Variants in GPC5 observed in about 807,000 individuals in gnomAD.
GPC5 encodes the protein glypican-5.
Under a neutral mutation model 53.9 loss-of-function variants are expected in GPC5, and 47 were observed. That is an observed-to-expected ratio of 0.87 (90% CI 0.69 to 1.11). The LOEUF (loss-of-function observed/expected upper bound fraction) is 1.11. Among genes scored for constraint, GPC5 ranks in the 50% most tolerant of loss-of-function variants. The pLI is 0.00. For missense variants in GPC5, 748 were observed against 713.1 expected (o/e 1.05, Z -0.56); for synonymous variants, 286 against 263.3 (o/e 1.09, Z -0.84).
chr13:92,800,858 A>C (rs1412891354), intron 7 of GPC5, among the ~76,000 whole-genome samples: 2 of 151,804 alleles, frequency 1.3e-5, no homozygotes, highest in Middle Eastern at 3.2e-3. Flanking sequence ...CTGCAACCCT[A>C]AAATAATATC....
chr13:91,465,398 T>A (rs1882172962), intron 2 of GPC5, among the ~76,000 whole-genome samples: 1 of 152,184 alleles, frequency 6.6e-6, no homozygotes, highest in Admixed American at 6.6e-5. Context: ...CAGAATGTTA[T>A]GTAAATGGAA....
chr13:92,712,741 G>C (rs1888180958), intron 7 of GPC5, among the ~76,000 whole-genome samples: 1 of 152,156 alleles, frequency 6.6e-6, no homozygotes, highest in Admixed American at 6.6e-5. Flanking sequence ...GAGTACCTTA[G>C]AGTGTGGCTG....
At chr13:91,447,328 G>C (rs1880875427) in intron 1 of GPC5, among the ~76,000 whole-genome samples, 1 of 148,684 alleles carries the variant, frequency 6.7e-6, no homozygotes, top group Non-Finnish European at 1.5e-5. Flanking sequence ...TGAGAAGATA[G>C]CTTTTTTTTT....
chr13:91,429,814 C>G (rs769769141), intron 1 of GPC5, among the ~76,000 whole-genome samples: 3 of 152,152 alleles, frequency 2.0e-5, no homozygotes, highest in Non-Finnish European at 4.4e-5. Flanking sequence ...TTATTTTCAT[C>G]GAAGCAGTTT....
intron 6 of GPC5, among the ~76,000 whole-genome samples, chr13:92,045,133 C>T (rs151062270): frequency 2.0e-5 from 3 of 152,284 alleles, no homozygotes; most frequent in Non-Finnish European, 2.9e-5. Context: ...TTGTACCCCC[C>T]AAAACTGCTA....
Position 92,282,397 on chromosome 13 carries a change from C to T in GPC5, c.1561+137408C>T, listed in dbSNP as rs543891566. On this transcript the variant is annotated intron_variant, in intron 7 of 7. Transcript: ENST00000377067. ...ATTCAAATTCAGGAAATACGGAGAA[C>T]GCCACAAAGATACTCCTTGAGAAGA... is the stretch of plus-strand genomic sequence containing the variant. 3.9e-3 allele frequency among the ~76,000 whole-genome samples: 600 copies of T among 152,088 alleles called. 4 individuals carry two copies. The highest frequency in any genetic ancestry group is 0.014 in the African/African-American group (564 of 41,468).
chr13:92,665,571 A>C (rs896900606), intron 7 of GPC5, among the ~76,000 whole-genome samples: 1 of 152,196 alleles, frequency 6.6e-6, no homozygotes, highest in Non-Finnish European at 1.5e-5. Flanking sequence ...GTTCATAAAT[A>C]AATAAGAAAT....
chr13:91,910,004 G>A (rs1259430008), intron 6 of GPC5, among the ~76,000 whole-genome samples: 1 of 151,996 alleles, frequency 6.6e-6, no homozygotes, highest in South Asian at 2.1e-4. Context: ...TTTCATTCTG[G>A]GGTTGCAAGA....
At chr13:91,745,587 T>C (rs898777610) in intron 4 of GPC5, among the ~76,000 whole-genome samples, 1 of 151,950 alleles carries the variant, frequency 6.6e-6, no homozygotes, top group Non-Finnish European at 1.5e-5. Flanking sequence ...TGACTTCCTA[T>C]GTGGAGGGGA....
At chr13:91,484,448 A>T (rs1883479793) in intron 2 of GPC5, among the ~76,000 whole-genome samples, 1 of 152,222 alleles carries the variant, frequency 6.6e-6, no homozygotes, top group Admixed American at 6.5e-5. Context: ...ACTTAAAATG[A>T]ATGTGAAGCA....
At chr13:92,011,500 A>G (rs1199264290) in intron 6 of GPC5, among the ~76,000 whole-genome samples, 1 of 152,178 alleles carries the variant, frequency 6.6e-6, no homozygotes, top group Non-Finnish European at 1.5e-5. Flanking sequence ...TTTGATTTAT[A>G]TTTTTAAGCC....
chr13:92,713,261 C>T (rs1000113964), intron 7 of GPC5, among the ~76,000 whole-genome samples: 23 of 151,880 alleles, frequency 1.5e-4, no homozygotes, highest in Admixed American at 1.5e-3. Context: ...GGACATTTCA[C>T]TGAAGAAGAT....
chr13:92,398,423 C>T (rs1420832307), intron 7 of GPC5, among the ~76,000 whole-genome samples: 3 of 71,842 alleles, frequency 4.2e-5, no homozygotes, highest in Admixed American at 1.6e-4. Context: ...AGCGAGACTC[C>T]GTCTCAAAAA....
chr13:91,944,532 T>G (rs1566355824), intron 6 of GPC5, among the ~76,000 whole-genome samples: 1 of 152,234 alleles, frequency 6.6e-6, no homozygotes. Context: ...TAATTCCTAT[T>G]TCCCCTTTCT....
intron 3 of GPC5, among the ~76,000 whole-genome samples, chr13:91,721,923 AGTT>A (rs2139972159): frequency 6.6e-6 from 1 of 152,262 alleles, no homozygotes; most frequent in East Asian, 1.9e-4. Flanking sequence ...CAAGACTTAA[AGTT>A]GTCTATTTAA....
At chr13:91,799,559 T>C (rs1254644996) in intron 5 of GPC5, among the ~76,000 whole-genome samples, 4 of 128,666 alleles carry the variant, frequency 3.1e-5, no homozygotes, top group Non-Finnish European at 6.4e-5. Flanking sequence ...TTTCTTTGTT[T>C]ATGTCTCTTC....
chr13:92,480,336 A>C (rs1879301382), intron 7 of GPC5, among the ~76,000 whole-genome samples: 2 of 152,176 alleles, frequency 1.3e-5, no homozygotes, highest in Admixed American at 6.5e-5. Context: ...TATAATGTGC[A>C]GGGAAAAAAA....
chr13:91,412,488 T>C (rs1877879695), intron 1 of GPC5, among the ~76,000 whole-genome samples: 1 of 152,172 alleles, frequency 6.6e-6, no homozygotes, highest in Admixed American at 6.5e-5. Flanking sequence ...TGCACAGCAA[T>C]CAAAAGGTTA....
chr13:92,530,490 T>A (rs979312250), intron 7 of GPC5, among the ~76,000 whole-genome samples: 1 of 152,146 alleles, frequency 6.6e-6, no homozygotes. Flanking sequence ...TGTTTTTATT[T>A]TTTTTTCCAT....
Sources: gnomAD v4.1 joint callset for allele counts (sites outside exome capture counted in the v4.1 genomes callset) on GRCh38, gnomAD v4.1.1 for gene constraint, MANE v1.5 for transcripts, NCBI Gene and HGNC (gene_info 2026-07-23, HGNC 2026-07-21) for gene names.